FOXN3: variants seen among roughly 807,000 people sequenced by gnomAD.
FOXN3 encodes the protein forkhead box N3.
In FOXN3, 7 loss-of-function variants were observed where a neutral mutation model predicts 38.4. That is an observed-to-expected ratio of 0.18 (90% CI 0.10 to 0.34). The LOEUF (loss-of-function observed/expected upper bound fraction) is 0.34. Among genes scored for constraint, FOXN3 ranks in the 10% least tolerant of loss-of-function variants. FOXN3 has a pLI of 1.00. For missense variants in FOXN3, 456 were observed against 613.4 expected (o/e 0.74, Z 2.71); for synonymous variants, 230 against 242.2 (o/e 0.95, Z 0.47).
chr14:89,402,193 G>A (rs1891269309), intron 2 of FOXN3, among the ~76,000 whole-genome samples: 1 of 152,184 alleles, frequency 6.6e-6, no homozygotes, highest in Admixed American at 6.5e-5. Context: ...CGCTTTTGAT[G>A]ACACTAAATG....
chr14:89,349,274 T>A (rs1366044930), intron 3 of FOXN3, among the ~76,000 whole-genome samples: 1 of 152,226 alleles, frequency 6.6e-6, no homozygotes, highest in African/African-American at 2.4e-5. Context: ...GTCTACTATG[T>A]TGGCTGGGCT....
intron 2 of FOXN3, among the ~76,000 whole-genome samples, chr14:89,387,281 A>G (rs116508939): frequency 0.024 from 3,649 of 151,842 alleles, 166 homozygotes; most frequent in African/African-American, 0.083. Flanking sequence ...CAATCAATAA[A>G]CAAACCAACC....
chr14:89,520,479 T>A (rs1426817913), intron 1 of FOXN3, among the ~76,000 whole-genome samples: 1 of 152,110 alleles, frequency 6.6e-6, no homozygotes, highest in African/African-American at 2.4e-5. Flanking sequence ...AATAGAAAGA[T>A]GAAATCCCAG....
intron 1 of FOXN3, among the ~76,000 whole-genome samples, chr14:89,414,123 T>G (rs1482314520): frequency 6.6e-6 from 1 of 152,032 alleles, no homozygotes; most frequent in Non-Finnish European, 1.5e-5. Flanking sequence ...AAGACCAGCC[T>G]GGCCAACATG....
chr14:89,518,964 G>A (rs1015075108), intron 1 of FOXN3, among the ~76,000 whole-genome samples: 9 of 152,192 alleles, frequency 5.9e-5, no homozygotes, highest in Non-Finnish European at 1.2e-4. Flanking sequence ...GCGGTGGGCC[G>A]AGATCATACC....
chr14:89,549,909 G>C (rs1443132680), intron 1 of FOXN3, among the ~76,000 whole-genome samples: 1 of 152,188 alleles, frequency 6.6e-6, no homozygotes, highest in Non-Finnish European at 1.5e-5. Flanking sequence ...CAGACTGTGA[G>C]GTTCCCAAGT....
chr14:89,577,958 T>C (rs1895669290), intron 1 of FOXN3, among the ~76,000 whole-genome samples: 1 of 152,208 alleles, frequency 6.6e-6, no homozygotes, highest in Admixed American at 6.5e-5. Context: ...AATTAAATCA[T>C]GTGAACTTCC....
chr14:89,354,221 TG>T lies in FOXN3; in HGVS notation c.544-3414del, dbSNP rs1224987235. Reference sequence around the variant, plus strand: ...AAGAATATGGAATGCTTTTTTTGTTTGGTTTTTTTTGTTTGTTTTTTCTTAG... The same window carrying T: ...AAGAATATGGAATGCTTTTTTTGTTTGTTTTTTTTGTTTGTTTTTTCTTAG... On this transcript the variant is annotated intron_variant, in intron 2 of 5. Coordinates refer to ENST00000557258, the MANE Select transcript of FOXN3 (RefSeq NM_005197.4). Among the ~76,000 whole-genome samples the T allele has an allele frequency of 9.8e-3, 1,485 of 151,622 alleles. 10 individuals carry two copies. Among genetic ancestry groups the T allele is most frequent in the African/African-American group, 0.018 (755 of 41,390 alleles).
At chr14:89,369,839 T>G (rs1890263682) in intron 2 of FOXN3, among the ~76,000 whole-genome samples, 1 of 152,092 alleles carries the variant, frequency 6.6e-6, no homozygotes, top group African/African-American at 2.4e-5. Flanking sequence ...ACATGAGATT[T>G]GGGTGGGGAC....
At chr14:89,315,405 C>T (rs1887691187) in intron 3 of FOXN3, among the ~76,000 whole-genome samples, 1 of 152,120 alleles carries the variant, frequency 6.6e-6, no homozygotes, top group Admixed American at 6.6e-5. Context: ...AGCCAGGCGT[C>T]AATAGTCCAT....
intron 1 of FOXN3, among the ~76,000 whole-genome samples, chr14:89,443,871 T>C (rs1371765279): frequency 6.6e-6 from 1 of 151,872 alleles, no homozygotes; most frequent in Non-Finnish European, 1.5e-5. Context: ...TAGCTAGGCA[T>C]GGTGGTGCAT....
chr14:89,281,308 G>A (rs1012874810), intron 3 of FOXN3, among the ~76,000 whole-genome samples: 14 of 152,152 alleles, frequency 9.2e-5, no homozygotes, highest in Admixed American at 3.3e-4. Context: ...ACGGCATAGC[G>A]TATAACTTAA....
intron 3 of FOXN3, among the ~76,000 whole-genome samples, chr14:89,289,354 C>A (rs1298359861): frequency 6.6e-6 from 1 of 152,084 alleles, no homozygotes; most frequent in Non-Finnish European, 1.5e-5. Flanking sequence ...GCAAGTCTGG[C>A]AGGCAGAAAA....
chr14:89,431,095 T>C (rs1566653796), intron 1 of FOXN3, among the ~76,000 whole-genome samples: 1 of 152,246 alleles, frequency 6.6e-6, no homozygotes, highest in Non-Finnish European at 1.5e-5. Flanking sequence ...AATCTTTCTT[T>C]TTTAAGTAGA....
At chr14:89,254,644 T>TA (rs1422006357) in intron 4 of FOXN3, among the ~76,000 whole-genome samples, 3 of 152,020 alleles carry the variant, frequency 2.0e-5, no homozygotes, top group Admixed American at 6.6e-5. Flanking sequence ...TGTCCAACAA[T>TA]AAAAAAACCC....
At chr14:89,477,344 T>C (rs1387189804) in intron 1 of FOXN3, among the ~76,000 whole-genome samples, 2 of 152,220 alleles carry the variant, frequency 1.3e-5, no homozygotes, top group Admixed American at 6.5e-5. Flanking sequence ...CACTTCCTTA[T>C]CTTCCTATCT....
intron 1 of FOXN3, among the ~76,000 whole-genome samples, chr14:89,525,006 A>G (rs1292940345): frequency 2.6e-5 from 4 of 152,162 alleles, no homozygotes; most frequent in Non-Finnish European, 5.9e-5. Context: ...AAGAAGTTAC[A>G]GAAGATGCAT....
At chr14:89,398,045 G>A (rs1293927296) in intron 2 of FOXN3, among the ~76,000 whole-genome samples, 1 of 152,152 alleles carries the variant, frequency 6.6e-6, no homozygotes, top group East Asian at 1.9e-4. Context: ...ATAAAATGCT[G>A]TCTTCAGGAT....
At chr14:89,318,828 C>A (rs541605721) in intron 3 of FOXN3, among the ~76,000 whole-genome samples, 1 of 152,208 alleles carries the variant, frequency 6.6e-6, no homozygotes, top group Non-Finnish European at 1.5e-5. Flanking sequence ...ATGAAGCCGC[C>A]GACCCGATGC....
Sources: allele counts gnomAD v4.1 joint callset (sites outside exome capture counted in the v4.1 genomes callset), GRCh38; gene constraint gnomAD v4.1.1; transcripts MANE v1.5; gene names NCBI Gene and HGNC (gene_info 2026-07-23, HGNC 2026-07-21).